Variants in PACS2 observed in about 807,000 individuals in gnomAD.
PACS2 encodes phosphofurin acidic cluster sorting protein 2, also known as PACS1-like protein.
PACS2 carries 36 observed loss-of-function variants against 113.0 expected under a neutral mutation model. The ratio of observed to expected loss-of-function variants is 0.32; its 90% CI spans 0.24 to 0.42. The LOEUF is 0.42. Ranked by LOEUF, PACS2 falls within the 10% of genes least tolerant of loss-of-function variation. The pLI is 1.00. For missense variants in PACS2, 1,015 were observed against 1,239.5 expected (o/e 0.82, Z 2.72); for synonymous variants, 589 against 536.1 (o/e 1.10, Z -1.36).
intron 5 of PACS2, among the ~76,000 whole-genome samples, chr14:105,367,607 G>A (rs2060983918): frequency 2.0e-5 from 3 of 152,266 alleles, no homozygotes; most frequent in Admixed American, 6.5e-5. Flanking sequence ...TGGTCAAGAG[G>A]CCTGAGTCCT....
At chr14:105,385,961 CA>C (rs1197992888) in intron 19 of PACS2, among the ~76,000 whole-genome samples, 4 of 152,232 alleles carry the variant, frequency 2.6e-5, no homozygotes, top group Non-Finnish European at 4.4e-5. Context: ...GTCAGGAGAG[CA>C]GCAGATGGGC....
rs782677114 is a variant in PACS2, at chr14:105,355,036, G to A, written c.298-16G>A. The A allele has an allele frequency of 8.1e-6, 13 of 1,611,136 alleles. No homozygotes were observed. In the African/African-American group the frequency reaches 9.3e-5, roughly 12 times the overall value. On this transcript the variant is annotated splice_polypyrimidine_tract_variant and intron_variant, in intron 3 of 24. Transcript: ENST00000447393. This position sits in a 1 kb window ranked among gnomAD's most constrained non-coding sequence, Gnocchi z 4.1. ...CCCGGTGCACCCTCAGCTGCCACTC[G>A]CACTTGTGCCCACAGTATCCTCACT...
At chr14:105,367,995 G>T in intron 5 of PACS2, 79 bp from the exon 6 acceptor site, 1 of 892,770 alleles carries the variant, frequency 1.1e-6, no homozygotes, top group South Asian at 1.3e-5. Flanking sequence ...CTGTGTCCAG[G>T]GAAGCCTGGG....
intron 20 of PACS2, chr14:105,390,503 C>T (rs1555414543): frequency 5.6e-6 from 1 of 177,694 alleles, no homozygotes; most frequent in Non-Finnish European, 1.2e-5. Context: ...CTGTTTCCTG[C>T]CATCTTTTCG....
rs1245275773 is a variant in PACS2, at chr14:105,376,372, G to A, written c.802-396G>A. Among the ~76,000 whole-genome samples the A allele has an allele frequency of 6.6e-6, 1 of 152,092 alleles. No homozygotes were observed. Among genetic ancestry groups the A allele is most frequent in the Non-Finnish European group, 1.5e-5 (1 of 68,028 alleles). ...AGTGAGATTCGCAGGGCCTGGGGCT[G>A]AGGGAGGGGACGCACTAGAGGAAGG... On this transcript the variant is annotated intron_variant, in intron 8 of 24. Coordinates refer to ENST00000447393, the MANE Select transcript of PACS2 (RefSeq NM_001100913.3). The surrounding 1 kb of genome is among the most constrained non-coding windows in gnomAD (Gnocchi z 4.7).
rs369927667 is a variant in PACS2, at chr14:105,382,818, C to T, written c.1530C>T (p.Asp510=). Residue 510 remains aspartate, a synonymous_variant, in exon 15 of 25, where the codon GAC becomes GAT. Coordinates refer to ENST00000447393, the MANE Select transcript of PACS2 (RefSeq NM_001100913.3). The part of the protein sequence containing the change: ...TSDWQGQFLS[D]VLQRHTLPVV... ...CTGTCTTCTGCCAGTTCCTCTCCGA[C>T]GTCCTGCAGAGGCACACGCTCCCCG... The T allele has an allele frequency of 9.9e-5, 158 of 1,594,978 alleles. 2 individuals are homozygous for T. Among genetic ancestry groups the T allele is most frequent in the South Asian group, 6.4e-4 (58 of 90,632 alleles).
chr14:105,393,264 C>T lies in PACS2; in HGVS notation c.2525C>T (p.Ser842Phe). The T allele has an allele frequency of 6.2e-7, 1 of 1,612,896 alleles. No individual in the cohort carries two copies. Among genetic ancestry groups the T allele is most frequent in the Non-Finnish European group, 8.5e-7 (1 of 1,179,948 alleles). ...PKKAKDKDVE[S>F]KSQCIEGISR... ...AAAGCGAAGGACAAGGACGTGGAGT[C>T]TAAGAGCCAGTGCATTGAGGGCATC... The change falls in exon 24 of 25, where the codon TCT (serine) becomes TTT (phenylalanine). Residue 842 changes from serine (S) to phenylalanine (F), a missense_variant. Physicochemically the swap from Ser to Phe is radical, Grantham distance 155. Transcript: ENST00000447393.
In PACS2 at chr14:105,348,780, C is replaced by T. The variant is rs782614791; in HGVS notation, c.207+200C>T. On this transcript the variant is annotated intron_variant, in intron 2 of 24. Transcript: ENST00000447393. The surrounding 1 kb of genome is among the most constrained non-coding windows in gnomAD (Gnocchi z 6.4). ...CTGTCCCGCACAAGGGAGGCAGGCC[C>T]GGCCTTCTGGGATGTGGAGGTCACA... is the stretch of plus-strand genomic sequence containing the variant. The T allele has an allele frequency of 1.3e-4, 70 of 556,256 alleles. No homozygotes were observed. Among genetic ancestry groups the T allele is most frequent in the African/African-American group, 9.5e-5 (5 of 52,498 alleles). The allele number at this position is 556,256 out of a possible 1,614,324, so 34.5% of individuals were successfully genotyped here.
intron 19 of PACS2, among the ~76,000 whole-genome samples, chr14:105,388,432 T>C (rs79277002): frequency 0.026 from 3,897 of 152,314 alleles, 194 homozygotes; most frequent in African/African-American, 0.089. Context: ...CCTGCAGGGC[T>C]CTTGAGGAGA....
chr14:105,369,460 G>C (rs980003674), intron 7 of PACS2, among the ~76,000 whole-genome samples: 12 of 152,188 alleles, frequency 7.9e-5, no homozygotes, highest in African/African-American at 2.9e-4. Flanking sequence ...CTTGGAGCAC[G>C]CCCCACCCCA....
intron 5 of PACS2, among the ~76,000 whole-genome samples, 199 bp from the exon 6 acceptor site, chr14:105,367,875 C>T (rs587774215): frequency 3.9e-5 from 6 of 152,348 alleles, no homozygotes; most frequent in South Asian, 2.1e-4. Context: ...CTGCCAACCC[C>T]GACCTGGACC....
intron 19 of PACS2, chr14:105,389,629 G>A (rs1324607148): frequency 3.1e-5 from 11 of 360,608 alleles, no homozygotes; most frequent in Admixed American, 1.9e-4. Flanking sequence ...CTGTGTGGGC[G>A]TCGGGCACCT....
chr14:105,305,278 T>C (rs774314124), intron 1 of PACS2, among the ~76,000 whole-genome samples: 37 of 152,146 alleles, frequency 2.4e-4, no homozygotes, highest in Non-Finnish European at 4.6e-4. Flanking sequence ...AGCATGTGTC[T>C]GTAGTCCCAG....
chr14:105,338,095 C>T (rs1053154416), intron 1 of PACS2, among the ~76,000 whole-genome samples: 2 of 152,202 alleles, frequency 1.3e-5, no homozygotes, highest in Non-Finnish European at 2.9e-5. Context: ...GGGGTCTGTT[C>T]TCAGACTGGG....
At position 105,383,479 on chromosome 14, in the gene PACS2, G is replaced by T; in HGVS notation, c.1746G>T (p.Trp582Cys). The change falls in exon 16 of 25, where the codon TGG becomes TGT. Residue 582 changes from tryptophan (W) to cysteine (C), a missense_variant. Coordinates refer to ENST00000447393, the MANE Select transcript of PACS2 (RefSeq NM_001100913.3). Reference protein sequence around the residue: ...VEQLSHKTPDWLGYMRFLVIP... With the variant: ...VEQLSHKTPDCLGYMRFLVIP... ...AGCTGTCCCACAAGACACCCGACTG[G>T]CTCGGCTACATGCGCTTCCTGGTCA... 1 of 1,605,260 alleles carries T rather than the reference G, an allele frequency of 6.2e-7. No individual in the cohort carries two copies. The highest frequency in any genetic ancestry group is 8.5e-7 in the Non-Finnish European group (1 of 1,177,054).
chr14:105,380,958 G>T lies in PACS2; in HGVS notation c.1127G>T (p.Gly376Val), dbSNP rs1029102035. ...SDSVSDTVAL[G>V]VPGPREHPGQ... ...TCCAGGCCCGTCTCTGCTCAGCAGG[G>T]TGTGCCAGGCCCGAGGGAGCACCCT... Residue 376 changes from glycine (G) to valine (V), a missense_variant and splice_region_variant, in exon 12 of 25, where the codon GGT becomes GTT. By Grantham distance (109) the Gly-to-Val change is moderately radical. This residue lies in a region of PACS2 where 859 missense variants were observed against 1,056.8 expected (regional missense o/e 0.81). Coordinates refer to ENST00000447393, the MANE Select transcript of PACS2 (RefSeq NM_001100913.3). The T allele has an allele frequency of 1.9e-6, 3 of 1,609,820 alleles. No homozygotes were observed. Among genetic ancestry groups the T allele is most frequent in the Non-Finnish European group, 2.5e-6 (3 of 1,178,078 alleles).
chr14:105,331,854 T>C (rs774696632), intron 1 of PACS2, among the ~76,000 whole-genome samples: 2 of 152,250 alleles, frequency 1.3e-5, no homozygotes, highest in Non-Finnish European at 2.9e-5. Context: ...AGTCTTTCAG[T>C]GCCTGAAGAT....
intron 1 of PACS2, chr14:105,336,502 G>T (rs1340342001): frequency 1.3e-5 from 2 of 152,454 alleles, no homozygotes; most frequent in Non-Finnish European, 2.9e-5. Flanking sequence ...GCTGCTGTCT[G>T]GAGGGCAGGG....
In PACS2 at chr14:105,384,357, C is replaced by T. The variant is rs139036959; in HGVS notation, c.1785C>T (p.Ser595=). The change falls in exon 17 of 25, where the codon TCC becomes TCT. Residue 595 remains serine, a synonymous_variant. Transcript: ENST00000447393. ...YMRFLVIPLG[S]HPVARYLGSV... ...AGCCCCACCCCTGGCATGCAGGCTC[C>T]CACCCCGTGGCCAGGTACCTAGGCT... is the stretch of plus-strand genomic sequence containing the variant. The T allele has an allele frequency of 1.5e-4, 242 of 1,604,228 alleles. 1 individual carries two copies. In the African/African-American group the frequency reaches 2.9e-3, roughly 19 times the overall value.
Sources: gnomAD v4.1 joint callset for allele counts (sites outside exome capture counted in the v4.1 genomes callset) on GRCh38, gnomAD v4.1.1 for gene constraint, gnomAD v4.1.1 regional missense constraint, Gnocchi (gnomAD v3.1) non-coding constraint, MANE v1.5 for transcripts, NCBI Gene and HGNC (gene_info 2026-07-23, HGNC 2026-07-21) for gene names.